PDE3B: variants seen among roughly 807,000 people sequenced by gnomAD.
The protein encoded by PDE3B is phosphodiesterase 3B.
Under a neutral mutation model 116.8 loss-of-function variants are expected in PDE3B, and 66 were observed. The observed-to-expected ratio is 0.56, with a 90% confidence interval of 0.46 to 0.69. PDE3B has a LOEUF of 0.69. Among genes scored for constraint, PDE3B ranks in the 30% least tolerant of loss-of-function variants. The pLI, the probability that PDE3B is intolerant of heterozygous loss-of-function variation, is 0.00. For missense variants in PDE3B, 1,384 were observed against 1,368.1 expected, an observed-to-expected ratio of 1.01 and a Z score of -0.18; for synonymous variants, 595 against 533.6, an observed-to-expected ratio of 1.12 and a Z score of -1.59.
the PDE3B span, chr11:14,890,812 T>C: frequency 1.0e-6 from 1 of 959,572 alleles, no homozygotes; most frequent in African/African-American, 1.8e-5. Flanking sequence ...CCTCCTAAAG[T>C]GCTGGGATTA....
chr11:14,651,784 T>G (rs1328199262), intron 1 of PDE3B, among the ~76,000 whole-genome samples: 1 of 152,246 alleles, frequency 6.6e-6, no homozygotes, highest in African/African-American at 2.4e-5. Flanking sequence ...CATTCATCAG[T>G]GCTGCCTCTG....
chr11:14,841,407 C>A (rs1196255855), intron 11 of PDE3B, among the ~76,000 whole-genome samples: 2 of 147,378 alleles, frequency 1.4e-5, no homozygotes, highest in Non-Finnish European at 3.0e-5. Flanking sequence ...ATATGAATAA[C>A]CCTCACTAAT....
intron 1 of PDE3B, among the ~76,000 whole-genome samples, chr11:14,766,907 G>A (rs1857513448): frequency 6.6e-6 from 1 of 151,670 alleles, no homozygotes; most frequent in African/African-American, 2.4e-5. Context: ...TCTTCCTCAA[G>A]TGTATTACAC....
At chr11:14,746,770 A>T (rs1856920637) in intron 1 of PDE3B, among the ~76,000 whole-genome samples, 1 of 152,232 alleles carries the variant, frequency 6.6e-6, no homozygotes, top group African/African-American at 2.4e-5. Flanking sequence ...AGAAAGCATG[A>T]GTGAGGCTGA....
At chr11:14,717,438 C>T (rs1379158022) in intron 1 of PDE3B, among the ~76,000 whole-genome samples, 1 of 53,654 alleles carries the variant, frequency 1.9e-5, no homozygotes, top group African/African-American at 8.4e-5. Context: ...AGATACTCCT[C>T]GAGAAGAGCA....
chr11:14,830,780 C>A lies in PDE3B; in HGVS notation c.1890C>A (p.Ser630Arg). The change falls in exon 8 of 16, where the codon AGC becomes AGA. Residue 630 changes from serine (S) to arginine (R), a missense_variant. Physicochemically the swap from Ser to Arg is moderately radical, Grantham distance 110. Around this residue, in one of 2 missense-constraint regions of PDE3B, gnomAD observed 956 missense variants for 806.8 expected, o/e 1.18. Coordinates refer to ENST00000282096, the MANE Select transcript of PDE3B (RefSeq NM_000922.4). ...AAGAGGAAACAGAGAAGAAAGACAG[C>A]AGAAAATTATTTCAGGAAGGTGATA... ...QQEEETEKKD[S>R]RKLFQEGDKW... 1.3e-6 allele frequency: 2 copies of A among 1,541,562 alleles called. No individual in the cohort carries two copies. The highest frequency in any genetic ancestry group is 1.4e-5 in the African/African-American group (1 of 70,414).
chr11:14,826,685 C>T (rs1859700733), intron 7 of PDE3B, among the ~76,000 whole-genome samples: 1 of 152,030 alleles, frequency 6.6e-6, no homozygotes. Context: ...GGATTCACAG[C>T]CACATCCTAC....
At chr11:14,851,265 C>T (rs922298916) in intron 12 of PDE3B, among the ~76,000 whole-genome samples, 2 of 152,030 alleles carry the variant, frequency 1.3e-5, no homozygotes, top group Non-Finnish European at 2.9e-5. Flanking sequence ...AGTAGGTGCT[C>T]AGTGATAGTT....
intron 1 of PDE3B, among the ~76,000 whole-genome samples, chr11:14,701,369 A>G (rs1279217148): frequency 5.9e-5 from 9 of 151,772 alleles, no homozygotes; most frequent in Non-Finnish European, 7.4e-5. Flanking sequence ...AATTATTTCA[A>G]AGTTTGAAAA....
At chr11:14,812,651 A>G (rs906840446) in intron 5 of PDE3B, among the ~76,000 whole-genome samples, 4 of 152,258 alleles carry the variant, frequency 2.6e-5, no homozygotes, top group African/African-American at 7.2e-5. Flanking sequence ...GAAGAGTCAT[A>G]TATCTTCTAA....
chr11:14,733,886 G>C lies in PDE3B; in HGVS notation c.979-38051G>C, dbSNP rs1856527126. The stretch of plus-strand genomic sequence containing the variant: ...CAGAAAGGGAAAAAAAGGGGATTCT[G>C]TTTCAGAATTTGCTGTATTAAAAAC... On this transcript the variant is annotated intron_variant, in intron 1 of 15. Coordinates refer to ENST00000282096, the MANE Select transcript of PDE3B (RefSeq NM_000922.4). Among the ~76,000 whole-genome samples, 3 of 152,096 alleles carry C rather than the reference G, an allele frequency of 2.0e-5. No homozygotes were observed. In the South Asian group the frequency reaches 6.2e-4, roughly 32 times the overall value.
rs562952108 is a variant in PDE3B, at chr11:14,705,703, T to G, written c.978+60650T>G. Among the ~76,000 whole-genome samples, 173 of 151,962 alleles carry G rather than the reference T, an allele frequency of 1.1e-3. 4 individuals carry two copies. The South Asian group carries it at 0.032, about 28-fold the overall frequency. On this transcript the variant is annotated intron_variant, in intron 1 of 15. Coordinates refer to ENST00000282096, the MANE Select transcript of PDE3B (RefSeq NM_000922.4). ...CAATCTCATGAGCTTTTTTTGTGAT[T>G]TCAAATCCATGTTAGTGGTTAAGCT...
At chr11:14,827,427 G>A (rs7118016) in intron 7 of PDE3B, among the ~76,000 whole-genome samples, 6 of 151,924 alleles carry the variant, frequency 3.9e-5, no homozygotes, top group Admixed American at 1.3e-4. Flanking sequence ...CCGAAGTCTC[G>A]GCCCGAAAGC....
At chr11:14,797,707 A>T (rs1858600166) in intron 4 of PDE3B, among the ~76,000 whole-genome samples, 1 of 152,076 alleles carries the variant, frequency 6.6e-6, no homozygotes, top group Non-Finnish European at 1.5e-5. Context: ...ATGGGAGTTC[A>T]CTCATGATTT....
At position 14,717,876 on chromosome 11, in the gene PDE3B, C is replaced by A. The variant is rs1198736851; in HGVS notation, c.979-54061C>A. Reference sequence around the variant, plus strand: ...AACTGCATCAACTAATGAGCAAAATCACCAGCTAACATCATAATGACAGGA... The same window carrying A: ...AACTGCATCAACTAATGAGCAAAATAACCAGCTAACATCATAATGACAGGA... On this transcript the variant is annotated intron_variant, in intron 1 of 15. Coordinates refer to ENST00000282096, the MANE Select transcript of PDE3B (RefSeq NM_000922.4). Among the ~76,000 whole-genome samples, 1,151 of 136,012 alleles carry A rather than the reference C, an allele frequency of 8.5e-3. 3 individuals carry two copies. The highest frequency in any genetic ancestry group is 0.031 in the African/African-American group (1,098 of 35,604). 89.2% of individuals were successfully genotyped at this position (136,012 alleles called of 152,430 possible).
At chr11:14,821,978 C>G (rs1328114231) in intron 7 of PDE3B, among the ~76,000 whole-genome samples, 1 of 151,170 alleles carries the variant, frequency 6.6e-6, no homozygotes, top group African/African-American at 2.4e-5. Flanking sequence ...ACAATCATGG[C>G]TCACTGCAGC....
At chr11:14,742,925 C>T (rs1250517886) in intron 1 of PDE3B, among the ~76,000 whole-genome samples, 1 of 152,114 alleles carries the variant, frequency 6.6e-6, no homozygotes, top group Non-Finnish European at 1.5e-5. Flanking sequence ...GCTGACTGTT[C>T]CTTCCTCTGG....
chr11:14,683,515 A>G (rs1374339257), intron 1 of PDE3B, among the ~76,000 whole-genome samples: 5 of 152,000 alleles, frequency 3.3e-5, no homozygotes, highest in Non-Finnish European at 7.4e-5. Context: ...TGGAGTCTAT[A>G]ATGATATTCC....
At chr11:14,648,852 G>T (rs1032647118) in intron 1 of PDE3B, among the ~76,000 whole-genome samples, 11 of 152,046 alleles carry the variant, frequency 7.2e-5, no homozygotes, top group African/African-American at 2.7e-4. Flanking sequence ...TATTGACATT[G>T]TTGTGGGTTT....
Sources: allele counts gnomAD v4.1 joint callset (sites outside exome capture counted in the v4.1 genomes callset), GRCh38; gene constraint gnomAD v4.1.1; regional missense constraint gnomAD v4.1.1; transcripts MANE v1.5; gene names NCBI Gene and HGNC (gene_info 2026-07-23, HGNC 2026-07-21).